The following ESR1 variants were observed in gnomAD, a reference collection of about 807,000 sequenced individuals.
ESR1 encodes the protein estrogen receptor 1.
ESR1 carries 12 observed loss-of-function variants against 52.7 expected under a neutral mutation model. That is an observed-to-expected ratio of 0.23 (90% CI 0.15 to 0.37). The LOEUF is 0.37. Ranked by LOEUF, ESR1 falls within the 10% of genes least tolerant of loss-of-function variation. ESR1 has a pLI of 1.00. For missense variants in ESR1, 584 were observed against 779.7 expected (o/e 0.75, Z 2.99); for synonymous variants, 305 against 316.8 (o/e 0.96, Z 0.39).
exon 7 of ESR1, chr6:152,125,513 G>A (rs1243296741): frequency 1.3e-5 from 13 of 992,242 alleles, no homozygotes; most frequent in Non-Finnish European, 1.8e-5. Flanking sequence ...GCCTTAAAGT[G>A]TCTTAAGAAG....
At chr6:151,851,865 G>T (rs58371065) in intron 2 of ESR1, among the ~76,000 whole-genome samples, 3,904 of 152,176 alleles carry the variant, frequency 0.026, 169 homozygotes, top group African/African-American at 0.089. Context: ...TCTGGCAGAG[G>T]TATATAGGAG....
At chr6:151,902,644 G>A (rs941831108) in intron 3 of ESR1, among the ~76,000 whole-genome samples, 1 of 152,124 alleles carries the variant, frequency 6.6e-6, no homozygotes, top group Non-Finnish European at 1.5e-5. Flanking sequence ...AACAAGATAC[G>A]TAACCTCTTC....
chr6:151,671,755 G>A (rs1778068850), intron 1 of ESR1, among the ~76,000 whole-genome samples: 1 of 152,080 alleles, frequency 6.6e-6, no homozygotes, highest in Non-Finnish European at 1.5e-5. Context: ...ACTTTGGGAG[G>A]CCGAGATGGG....
intron 5 of ESR1, among the ~76,000 whole-genome samples, chr6:152,056,178 A>G (rs911590726): frequency 6.6e-6 from 1 of 152,212 alleles, no homozygotes; most frequent in South Asian, 2.1e-4. Context: ...TCAGAGCTGC[A>G]TATGTAAACC....
At chr6:151,869,271 G>T (rs187292558) in intron 2 of ESR1, among the ~76,000 whole-genome samples, 47 of 152,110 alleles carry the variant, frequency 3.1e-4, no homozygotes, top group African/African-American at 1.1e-3. Flanking sequence ...GGAAATAATC[G>T]AACAGAGTGA....
At chr6:151,875,511 G>A (rs1192649160) in intron 2 of ESR1, among the ~76,000 whole-genome samples, 1 of 152,194 alleles carries the variant, frequency 6.6e-6, no homozygotes, top group Non-Finnish European at 1.5e-5. Context: ...AGCCATAAAT[G>A]AGACAGATAT....
chr6:151,712,164 C>G (rs1239584848), intron 2 of ESR1, among the ~76,000 whole-genome samples: 1 of 151,888 alleles, frequency 6.6e-6, no homozygotes. Context: ...AGATGTGTGG[C>G]GTTATTTCTG....
chr6:151,660,651 GACA>G (rs1336406648), intron 1 of ESR1, among the ~76,000 whole-genome samples: 1 of 152,130 alleles, frequency 6.6e-6, no homozygotes, highest in Non-Finnish European at 1.5e-5. Flanking sequence ...TGGCTGAGTG[GACA>G]ACATTTTGGT....
At chr6:152,004,882 T>C (rs937271029) in intron 4 of ESR1, among the ~76,000 whole-genome samples, 9 of 152,076 alleles carry the variant, frequency 5.9e-5, no homozygotes, top group African/African-American at 2.2e-4. Flanking sequence ...ATTTGAGGCA[T>C]ACACCATTTA....
At chr6:151,899,030 T>G (rs1467808241) in intron 3 of ESR1, among the ~76,000 whole-genome samples, 1 of 146,898 alleles carries the variant, frequency 6.8e-6, no homozygotes, top group Non-Finnish European at 1.5e-5. Context: ...GGCGGGGGGC[T>G]GAACCCCCAC....
chr6:151,918,716 C>T (rs1291039898), intron 3 of ESR1, among the ~76,000 whole-genome samples: 8 of 152,154 alleles, frequency 5.3e-5, no homozygotes, highest in Admixed American at 5.2e-4. Flanking sequence ...AACTAATGAA[C>T]CAATCCTGCG....
chr6:151,708,385 C>A (rs961038002), intron 2 of ESR1, among the ~76,000 whole-genome samples: 4 of 152,188 alleles, frequency 2.6e-5, no homozygotes, highest in African/African-American at 7.2e-5. Flanking sequence ...TACAAATATT[C>A]TTAGATATAT....
intron 4 of ESR1, among the ~76,000 whole-genome samples, chr6:152,007,393 A>G (rs1032056664): frequency 4.6e-5 from 7 of 152,002 alleles, no homozygotes; most frequent in Admixed American, 6.6e-5. Context: ...TGATGAAGCT[A>G]TAAGTAGTGA....
chr6:151,845,550 A>G (rs1784971048), intron 2 of ESR1, among the ~76,000 whole-genome samples: 1 of 152,324 alleles, frequency 6.6e-6, no homozygotes, highest in South Asian at 2.1e-4. Flanking sequence ...GCCTGGTGAC[A>G]GAGTGAGACT....
At chr6:151,866,095 G>A (rs1289406770) in intron 2 of ESR1, among the ~76,000 whole-genome samples, 2 of 152,120 alleles carry the variant, frequency 1.3e-5, no homozygotes, top group Admixed American at 6.6e-5. Context: ...CTGAGTGCAG[G>A]GCCAAAGCAG....
intron 4 of ESR1, among the ~76,000 whole-genome samples, chr6:151,991,392 A>T (rs1388174225): frequency 6.6e-6 from 1 of 152,156 alleles, no homozygotes; most frequent in Non-Finnish European, 1.5e-5. Context: ...GACTACAAAA[A>T]ACATTTATTA....
intron 6 of ESR1, among the ~76,000 whole-genome samples, chr6:152,078,836 C>A (rs1461912447): frequency 1.3e-5 from 2 of 152,254 alleles, no homozygotes; most frequent in Non-Finnish European, 2.9e-5. Flanking sequence ...TTGCCTGGCT[C>A]AGTGGGTCAC....
chr6:151,703,717 C>A (rs1779969546), intron 2 of ESR1, among the ~76,000 whole-genome samples: 1 of 152,176 alleles, frequency 6.6e-6, no homozygotes, highest in South Asian at 2.1e-4. Flanking sequence ...AGAACCAGTG[C>A]AAGTCACTGG....
At chr6:151,759,483 T>C (rs1028588018) in intron 2 of ESR1, among the ~76,000 whole-genome samples, 9 of 151,946 alleles carry the variant, frequency 5.9e-5, no homozygotes, top group Non-Finnish European at 1.2e-4. Context: ...ACCTGCACAT[T>C]GTGCACATGT....
Sources: gnomAD v4.1 joint callset for allele counts (sites outside exome capture counted in the v4.1 genomes callset) on GRCh38, gnomAD v4.1.1 for gene constraint, MANE v1.5 for transcripts, NCBI Gene and HGNC (gene_info 2026-07-23, HGNC 2026-07-21) for gene names.